The following PRX variants were observed in gnomAD, a reference collection of about 807,000 sequenced individuals.
PRX encodes the protein periaxin.
PRX carries 24 observed loss-of-function variants against 29.6 expected under a neutral mutation model. The observed-to-expected ratio is 0.81, with a 90% CI of 0.59 to 1.14. The LOEUF (loss-of-function observed/expected upper bound fraction) is 1.14. Ranked by LOEUF, PRX falls within the 50% of genes most tolerant of loss-of-function variation. The pLI, the probability that PRX is intolerant of heterozygous loss-of-function variation, is 0.00. For synonymous variants in PRX, 772 were observed against 831.7 expected, an observed-to-expected ratio of 0.93 and a Z score of 1.24; for missense variants, 1,838 against 1,926.4, an observed-to-expected ratio of 0.95 and a Z score of 0.86.
upstream of PRX, among the ~76,000 whole-genome samples, chr19:40,414,404 G>A (rs1158429212): frequency 2.0e-5 from 3 of 152,136 alleles, no homozygotes; most frequent in African/African-American, 4.8e-5. Flanking sequence ...GATTACAGGC[G>A]TGAGCCACCG....
At chr19:40,408,804 G>A (rs968686527) in intron 1 of PRX, among the ~76,000 whole-genome samples, 4 of 138,724 alleles carry the variant, frequency 2.9e-5, no homozygotes, top group Non-Finnish European at 6.0e-5. Flanking sequence ...CTACGTTTTT[G>A]TTGTTGTTGG....
At position 40,398,023 on chromosome 19, in the gene PRX, T is replaced by A; in HGVS notation, c.382-53A>T. On this transcript the variant is annotated intron_variant, in intron 6 of 6. Coordinates refer to ENST00000324001, the MANE Select transcript of PRX (RefSeq NM_181882.3). This position sits in a 1 kb window ranked among gnomAD's most constrained non-coding sequence, Gnocchi z 6.3. The stretch of plus-strand genomic sequence containing the variant: ...CGGTGGGACAGTGGGAGGCTGGGAG[T>A]GGACAGGAAGAGCCCCACCTGGTAT... 1.3e-6 allele frequency: 2 copies of A among 1,563,814 alleles called. No homozygotes were observed. The highest frequency in any genetic ancestry group is 1.7e-6 in the Non-Finnish European group (2 of 1,154,284).
chr19:40,395,804 G>C lies in PRX; in HGVS notation c.2548C>G (p.Pro850Ala), dbSNP rs141686828. 1.2e-3 allele frequency: 1,951 copies of C among 1,614,148 alleles called. 3 individuals are homozygous for C. Among genetic ancestry groups the C allele is most frequent in the Non-Finnish European group, 1.6e-3 (1,859 of 1,180,032 alleles). The change falls in exon 7 of 7, where the codon CCC (proline) becomes GCC (alanine). Residue 850 changes from proline (P) to alanine (A), a missense_variant. By Grantham distance (27) the Pro-to-Ala change is conservative (BLOSUM62 -1). This residue lies in a region of PRX where 1,143 missense variants were observed against 1,193.0 expected (regional missense o/e 0.96). Transcript: ENST00000324001. ...EVDGEAHVGV[P>A]SLTLPSVELD... ...TCCACTGAAGGCAGAGTGAGAGAGG[G>C]GACACCCACATGAGCCTCACCATCC... is the stretch of plus-strand genomic sequence containing the variant.
At chr19:40,399,878 T>TCTTTCTTTCTTC (rs1392357446) in intron 5 of PRX, among the ~76,000 whole-genome samples, 2 of 68,018 alleles carry the variant, frequency 2.9e-5, no homozygotes, top group Non-Finnish European at 6.0e-5. Context: ...TTTCTTTCTT[T>TCTTTCTTTCTTC]CTTTCTTTCT....
rs567285703 is a variant in PRX, at chr19:40,394,833, T to C, written c.3519A>G (p.Thr1173=). The change falls in exon 7 of 7, where the codon ACA becomes ACG. Residue 1173 remains threonine, a synonymous_variant. Transcript: ENST00000324001. This position sits in a 1 kb window ranked among gnomAD's most constrained non-coding sequence, Gnocchi z 5.8. ...CTGCTGTGCCCTCTGCTGAAGGGAC[T>C]GTACTCTGAGCCTGCTGCCCTGGGG... ...AGTPGQQAQS[T]VPSAEGTAGY... is the part of the protein sequence containing the mutation. The C allele has an allele frequency of 6.2e-7, 1 of 1,613,250 alleles. No homozygotes were observed. The highest frequency in any genetic ancestry group is 1.1e-5 in the South Asian group (1 of 91,086).
Position 40,394,068 on chromosome 19 carries a change from C to T in PRX, c.4284G>A (p.Gln1428=), listed in dbSNP as rs199974998. The change falls in exon 7 of 7, where the codon CAG becomes CAA. Residue 1428 remains glutamine (Q), a synonymous_variant. Coordinates refer to ENST00000324001, the MANE Select transcript of PRX (RefSeq NM_181882.3). This position sits in a 1 kb window ranked among gnomAD's most constrained non-coding sequence, Gnocchi z 5.8. ...SPKARSGSGD[Q]EEGGLRVRLP... Reference sequence around the variant, plus strand: ...GCCGCACCCGCAATCCACCCTCTTCCTGGTCCCCACTCCCACTCCGGGCCT... The same window carrying T: ...GCCGCACCCGCAATCCACCCTCTTCTTGGTCCCCACTCCCACTCCGGGCCT... 6.2e-7 allele frequency: 1 copy of T among 1,612,176 alleles called. No individual in the cohort carries two copies. The highest frequency in any genetic ancestry group is 1.3e-5 in the African/African-American group (1 of 75,008).
At chr19:40,400,358 C>T (rs1357558065) in intron 5 of PRX, among the ~76,000 whole-genome samples, 8 of 145,180 alleles carry the variant, frequency 5.5e-5, no homozygotes, top group African/African-American at 2.0e-4. Flanking sequence ...TTTGGGAGGC[C>T]GAGGCAGGTG....
chr19:40,395,547 C>T lies in PRX; in HGVS notation c.2805G>A (p.Lys935=). The part of the protein sequence containing the change: ...VKPSSKFSLP[K]FGLSGPKVAK... ...CCACCTTTGGCCCCGAGAGTCCAAA[C>T]TTAGGTAAGGAGAACTTGGAAGAGG... The change falls in exon 7 of 7, where the codon AAG becomes AAA. Residue 935 remains lysine, a synonymous_variant. Transcript: ENST00000324001. 2 of 1,614,212 alleles carry T rather than the reference C, an allele frequency of 1.2e-6. No individual in the cohort carries two copies. The highest frequency in any genetic ancestry group is 2.2e-5 in the South Asian group (2 of 91,082).
upstream of PRX, among the ~76,000 whole-genome samples, chr19:40,413,855 A>G (rs2079570361): frequency 6.6e-6 from 1 of 152,210 alleles, no homozygotes; most frequent in African/African-American, 2.4e-5. Flanking sequence ...AGATTAAACG[A>G]GTTAAAAGAG....
At chr19:40,407,171 T>C (rs1270294141) in intron 4 of PRX, among the ~76,000 whole-genome samples, 2 of 150,776 alleles carry the variant, frequency 1.3e-5, no homozygotes, top group Non-Finnish European at 2.9e-5. Context: ...ATTTGAGCCA[T>C]GGGTCCAAGC....
In PRX at chr19:40,395,430, C is replaced by T; in HGVS notation, c.2922G>A (p.Glu974=). The change falls in exon 7 of 7, where the codon GAG becomes GAA. Residue 974 remains glutamate (E), a synonymous_variant. Transcript: ENST00000324001. The part of the protein sequence containing the change: ...ISLPKARVGA[E]AEAKGAGEAG... ...CCTCCCCAGCCCCTTTGGCCTCAGC[C>T]TCAGCCCCCACCCGAGCCTTGGGGA... 6.2e-7 allele frequency: 1 copy of T among 1,614,108 alleles called. No individual in the cohort carries two copies. Among genetic ancestry groups the T allele is most frequent in the Non-Finnish European group, 8.5e-7 (1 of 1,179,990 alleles).
chr19:40,399,380 G>C (rs1015408538), intron 5 of PRX, among the ~76,000 whole-genome samples: 1 of 152,076 alleles, frequency 6.6e-6, no homozygotes, highest in African/African-American at 2.4e-5. Context: ...TCACTCCCCC[G>C]GAGCTCCTGC....
chr19:40,403,568 G>T, intron 5 of PRX, 138 bp downstream of exon 5: 1 of 1,085,594 alleles, frequency 9.2e-7, no homozygotes, highest in Non-Finnish European at 1.3e-6. Flanking sequence ...GCAAAGCCCC[G>T]CCCCAAGCCC....
intron 4 of PRX, 146 bp from the exon 5 acceptor site, chr19:40,404,008 C>A (rs2079515241): frequency 1.0e-6 from 1 of 977,166 alleles, no homozygotes; most frequent in Non-Finnish European, 1.5e-6. Flanking sequence ...GCCACACTGC[C>A]CAGGCTGGTC....
At chr19:40,403,077 G>A (rs991041233) in intron 5 of PRX, among the ~76,000 whole-genome samples, 1 of 152,196 alleles carries the variant, frequency 6.6e-6, no homozygotes, top group Admixed American at 6.5e-5. Flanking sequence ...GGCTGAGGCA[G>A]GAGAATCGCT....
At chr19:40,410,697 C>T (rs1425073019) in intron 1 of PRX, among the ~76,000 whole-genome samples, 3 of 152,220 alleles carry the variant, frequency 2.0e-5, no homozygotes, top group East Asian at 1.9e-4. Flanking sequence ...ATGGTGAAAC[C>T]CCGTTTCTAC....
At chr19:40,412,021 G>A (rs1301972039) in intron 1 of PRX, among the ~76,000 whole-genome samples, 1 of 152,258 alleles carries the variant, frequency 6.6e-6, no homozygotes, top group African/African-American at 2.4e-5. Flanking sequence ...CATTTCAGAT[G>A]CGACTTATGC....
At chr19:40,411,475 A>AG (rs952373696) in intron 1 of PRX, among the ~76,000 whole-genome samples, 4 of 152,088 alleles carry the variant, frequency 2.6e-5, no homozygotes, top group African/African-American at 9.7e-5. Context: ...GTGGTAGTAG[A>AG]GGGGGTCTCC....
Position 40,396,470 on chromosome 19 carries a change from C to A in PRX, c.1882G>T (p.Glu628Ter). ...LPEVQLPKVP[E>*]MKLPEMKLPE... ...AGTTTCATCTCAGGGAGCTTCATCT[C>A]TGGGACTTTTGGAAGCTGCACTTCT... Residue 628 changes from glutamate (E) to a stop codon, truncating the protein, a stop_gained, in exon 7 of 7, where the codon GAG becomes TAG. Coordinates refer to ENST00000324001, the MANE Select transcript of PRX (RefSeq NM_181882.3). LOFTEE classifies it low-confidence loss of function (END_TRUNC). The A allele has an allele frequency of 6.2e-7, 1 of 1,613,020 alleles. No individual in the cohort carries two copies. Among genetic ancestry groups the A allele is most frequent in the Non-Finnish European group, 8.5e-7 (1 of 1,179,776 alleles).
Sources: gnomAD v4.1 joint callset for allele counts (sites outside exome capture counted in the v4.1 genomes callset) on GRCh38, gnomAD v4.1.1 for gene constraint, gnomAD v4.1.1 regional missense constraint, Gnocchi (gnomAD v3.1) non-coding constraint, MANE v1.5 for transcripts, NCBI Gene and HGNC (gene_info 2026-07-23, HGNC 2026-07-21) for gene names.